Variants in GLG1 observed in about 807,000 individuals in gnomAD.
GLG1 encodes the protein golgi glycoprotein 1.
GLG1 carries 38 observed loss-of-function variants against 160.5 expected under a neutral mutation model. The observed-to-expected ratio is 0.24, with a 90% confidence interval of 0.18 to 0.31. The LOEUF (loss-of-function observed/expected upper bound fraction) is 0.31. Among genes scored for constraint, GLG1 ranks in the 10% least tolerant of loss-of-function variants. The pLI is 1.00. For missense variants in GLG1, 1,373 were observed against 1,505.2 expected (o/e 0.91, Z 1.45); for synonymous variants, 644 against 543.4 (o/e 1.19, Z -2.57).
At chr16:74,544,683 G>T (rs1438403274) in intron 1 of GLG1, among the ~76,000 whole-genome samples, 4 of 152,152 alleles carry the variant, frequency 2.6e-5, no homozygotes, top group Non-Finnish European at 5.9e-5. Flanking sequence ...GTACTTTATA[G>T]TAGAGACAGG....
chr16:74,599,576 A>G (rs2143904752), intron 1 of GLG1, among the ~76,000 whole-genome samples: 1 of 151,926 alleles, frequency 6.6e-6, no homozygotes, highest in Non-Finnish European at 1.5e-5. Flanking sequence ...AAAATTAGCC[A>G]AGCCTCGGCC....
chr16:74,585,409 A>C (rs1320336021), intron 1 of GLG1, among the ~76,000 whole-genome samples: 17 of 152,000 alleles, frequency 1.1e-4, no homozygotes, highest in Admixed American at 1.1e-3. Context: ...ACTCTGTCTC[A>C]AAAAAACAAA....
intron 3 of GLG1, among the ~76,000 whole-genome samples, chr16:74,507,816 T>A (rs919130746): frequency 3.9e-5 from 6 of 152,308 alleles, no homozygotes; most frequent in African/African-American, 1.4e-4. Context: ...AGCCTAGGAA[T>A]AATTTGTTAG....
intron 1 of GLG1, among the ~76,000 whole-genome samples, chr16:74,572,000 C>T (rs2018841349): frequency 6.6e-6 from 1 of 152,106 alleles, no homozygotes; most frequent in African/African-American, 2.4e-5. Flanking sequence ...AGATAACTGT[C>T]TTTTGCATGC....
At chr16:74,546,450 A>C (rs1186082597) in intron 1 of GLG1, among the ~76,000 whole-genome samples, 2 of 152,114 alleles carry the variant, frequency 1.3e-5, no homozygotes, top group Non-Finnish European at 2.9e-5. Context: ...GTCTTAACAA[A>C]TTAATTAATT....
intron 8 of GLG1, among the ~76,000 whole-genome samples, chr16:74,487,714 T>C (rs747340973): frequency 7.2e-5 from 11 of 152,064 alleles, no homozygotes; most frequent in Admixed American, 1.3e-4. Context: ...CTGCAAGAAC[T>C]GTATCAGTTA....
chr16:74,568,600 T>C (rs560814775), intron 1 of GLG1, among the ~76,000 whole-genome samples: 3 of 152,206 alleles, frequency 2.0e-5, no homozygotes, highest in African/African-American at 7.2e-5. Context: ...ATGTTTTTAG[T>C]AGAGACGGGG....
intron 3 of GLG1, among the ~76,000 whole-genome samples, chr16:74,505,038 T>C (rs1295801345): frequency 6.6e-6 from 1 of 152,264 alleles, no homozygotes; most frequent in African/African-American, 2.4e-5. Context: ...TGGGAATGTT[T>C]ATTTTGAATA....
intron 1 of GLG1, among the ~76,000 whole-genome samples, chr16:74,533,290 C>T (rs1286072583): frequency 3.9e-5 from 6 of 152,288 alleles, no homozygotes; most frequent in African/African-American, 7.2e-5. Flanking sequence ...CACTGCACTC[C>T]GGCCTGGGCC....
At chr16:74,511,889 C>A (rs891716456) in intron 2 of GLG1, among the ~76,000 whole-genome samples, 7 of 152,192 alleles carry the variant, frequency 4.6e-5, no homozygotes, top group Middle Eastern at 3.4e-3. Context: ...AGAACCATGA[C>A]AGTATTGTCA....
At chr16:74,593,806 G>A (rs1025263924) in intron 1 of GLG1, among the ~76,000 whole-genome samples, 1 of 152,054 alleles carries the variant, frequency 6.6e-6, no homozygotes, top group Non-Finnish European at 1.5e-5. Flanking sequence ...AATTGATGTA[G>A]AACTTACATT....
intron 23 of GLG1, 36 bp downstream of exon 23, chr16:74,459,644 AAG>A: frequency 1.9e-6 from 2 of 1,070,462 alleles, no homozygotes; most frequent in East Asian, 2.4e-5. Context: ...AAAAAAAAAA[AAG>A]AAATGAAGTG....
At position 74,452,683 on chromosome 16, in the gene GLG1, G is replaced by A. The variant is rs952416007; in HGVS notation, c.*484C>T. 3 of 993,680 alleles carry A rather than the reference G, an allele frequency of 3.0e-6. No homozygotes were observed. In the African/African-American group the frequency reaches 5.2e-5, roughly 17 times the overall value. 61.6% of individuals were successfully genotyped at this position (993,680 alleles called of 1,614,324 possible). A position where few individuals can be genotyped will look rare whatever the true frequency, so the allele number is the denominator to read the frequency against. Reference sequence around the variant, plus strand: ...CGAGACACCTCAGTCATGGCACACTGGGTGGTGTGCTTCCCCTCCAAGTCC... The same window carrying A: ...CGAGACACCTCAGTCATGGCACACTAGGTGGTGTGCTTCCCCTCCAAGTCC... On this transcript the variant is annotated 3_prime_UTR_variant, in exon 26 of 26. Coordinates refer to ENST00000422840, the MANE Select transcript of GLG1 (RefSeq NM_001145667.2).
chr16:74,588,498 C>A (rs906876842), intron 1 of GLG1, among the ~76,000 whole-genome samples: 4 of 152,062 alleles, frequency 2.6e-5, no homozygotes. Context: ...GTTGCCACTG[C>A]AGCCTCGACT....
chr16:74,502,607 G>A (rs748850420), intron 4 of GLG1, among the ~76,000 whole-genome samples: 56 of 151,096 alleles, frequency 3.7e-4, no homozygotes, highest in Non-Finnish European at 7.8e-4. Context: ...GCAGTGGCGC[G>A]ATCTCGGCTC....
chr16:74,576,649 T>C (rs901611980), intron 1 of GLG1, among the ~76,000 whole-genome samples: 2 of 152,210 alleles, frequency 1.3e-5, no homozygotes, highest in African/African-American at 4.8e-5. Flanking sequence ...TGGTCTGAGA[T>C]ATAAATGGGG....
chr16:74,503,456 C>T, intron 4 of GLG1, 75 bp downstream of exon 4: 1 of 997,274 alleles, frequency 1.0e-6, no homozygotes, highest in Non-Finnish European at 1.6e-6. Context: ...AAATTTTTCC[C>T]ATGTCAGTTA....
intron 1 of GLG1, among the ~76,000 whole-genome samples, chr16:74,601,477 G>C (rs760954719): frequency 8.0e-4 from 121 of 152,008 alleles, no homozygotes; most frequent in Non-Finnish European, 9.0e-4. Flanking sequence ...AGGAAGCAGA[G>C]AGAGAAAATG....
At chr16:74,559,562 TC>T (rs2018450906) in intron 1 of GLG1, among the ~76,000 whole-genome samples, 2 of 152,110 alleles carry the variant, frequency 1.3e-5, no homozygotes, top group South Asian at 4.1e-4. Context: ...TAGGCCAGGC[TC>T]TCTCCTCCTC....
Sources: allele counts gnomAD v4.1 joint callset (sites outside exome capture counted in the v4.1 genomes callset), GRCh38; gene constraint gnomAD v4.1.1; transcripts MANE v1.5; gene names NCBI Gene and HGNC (gene_info 2026-07-23, HGNC 2026-07-21).